The following BMPER variants were observed in gnomAD, a reference collection of about 807,000 sequenced individuals.
BMPER encodes BMP-binding endothelial regulator protein.
BMPER carries 45 observed loss-of-function variants against 87.3 expected under a neutral mutation model. That is an observed-to-expected ratio of 0.52 (90% CI 0.41 to 0.66). The LOEUF (loss-of-function observed/expected upper bound fraction) is 0.66, where lower values mean the gene tolerates loss of function less well. BMPER is among the 30% of genes least tolerant of loss of function. The pLI, the probability that BMPER is intolerant of heterozygous loss-of-function variation, is 0.00. For synonymous variants in BMPER, 326 were observed against 316.2 expected, an observed-to-expected ratio of 1.03 and a Z score of -0.33; for missense variants, 784 against 867.5, an observed-to-expected ratio of 0.90 and a Z score of 1.21.
At chr7:33,932,322 C>CT (rs1274041312) in intron 2 of BMPER, among the ~76,000 whole-genome samples, 1 of 152,214 alleles carries the variant, frequency 6.6e-6, no homozygotes, top group African/African-American at 2.4e-5. Flanking sequence ...ACTACCTGGC[C>CT]TGTGTGCTTC....
chr7:33,953,238 A>G lies in BMPER; in HGVS notation c.320-13241A>G, dbSNP rs191975747. Among the ~76,000 whole-genome samples, 880 of 152,378 alleles carry G rather than the reference A, an allele frequency of 5.8e-3. 6 individuals carry two copies. The highest frequency in any genetic ancestry group is 9.0e-3 in the Non-Finnish European group (610 of 68,034). On this transcript the variant is annotated intron_variant, in intron 3 of 14. Coordinates refer to ENST00000649409, the MANE Select transcript of BMPER (RefSeq NM_001365308.1). ...CTCCAGAGGCAAGGCCACACAGAGGAGCTGAAGGCAAAAGCCTGGCCTGGT... is the reference window on the plus strand; with the variant it reads ...CTCCAGAGGCAAGGCCACACAGAGGGGCTGAAGGCAAAAGCCTGGCCTGGT...
rs75884972 is a variant in BMPER, at chr7:33,995,323, C to T, written c.576+20539C>T. Reference sequence around the variant, plus strand: ...ATTTTGGAGGACATGAACTTCTTCACTCATGAGATGGATTTGTGGGTTCTG... The same window carrying T: ...ATTTTGGAGGACATGAACTTCTTCATTCATGAGATGGATTTGTGGGTTCTG... On this transcript the variant is annotated intron_variant, in intron 6 of 14. Coordinates refer to ENST00000649409, the MANE Select transcript of BMPER (RefSeq NM_001365308.1). 7.5e-3 allele frequency among the ~76,000 whole-genome samples: 1,139 copies of T among 152,136 alleles called. 18 individuals carry two copies. Among genetic ancestry groups the T allele is most frequent in the African/African-American group, 0.026 (1,091 of 41,490 alleles).
chr7:33,962,567 C>A (rs1785298448), intron 3 of BMPER, among the ~76,000 whole-genome samples: 1 of 152,120 alleles, frequency 6.6e-6, no homozygotes, highest in Non-Finnish European at 1.5e-5. Flanking sequence ...GCTGTGATAA[C>A]CCAAGATGTC....
intron 13 of BMPER, among the ~76,000 whole-genome samples, chr7:34,094,581 G>A (rs1275591738): frequency 1.3e-5 from 2 of 152,224 alleles, no homozygotes; most frequent in Admixed American, 6.5e-5. Flanking sequence ...GTACGAATGA[G>A]TGTGGTACAG....
intron 6 of BMPER, among the ~76,000 whole-genome samples, chr7:33,975,027 C>G (rs988476753): frequency 6.6e-6 from 1 of 152,176 alleles, no homozygotes; most frequent in African/African-American, 2.4e-5. Context: ...GCAAGGTCCC[C>G]TGGCTCCACC....
Position 34,085,939 on chromosome 7 carries a change from A to C in BMPER, c.1592A>C (p.Asn531Thr). The C allele has an allele frequency of 6.2e-7, 1 of 1,614,120 alleles. No homozygotes were observed. Among genetic ancestry groups the C allele is most frequent in the Non-Finnish European group, 8.5e-7 (1 of 1,180,012 alleles). The change falls in exon 13 of 15, where the codon AAT (asparagine) becomes ACT (threonine). Residue 531 changes from asparagine (N) to threonine (T), a missense_variant. Physicochemically the swap from Asn to Thr is moderately conservative, Grantham distance 65. Coordinates refer to ENST00000649409, the MANE Select transcript of BMPER (RefSeq NM_001365308.1). ...DFAESWRVES[N>T]EFCNRPQRKP... Reference sequence around the variant, plus strand: ...GCTGAATCTTGGAGGGTGGAGTCCAATGAGTTCTGCAACAGACCTCAGAGA... The same window carrying C: ...GCTGAATCTTGGAGGGTGGAGTCCACTGAGTTCTGCAACAGACCTCAGAGA...
At chr7:34,106,177 T>C (rs959887175) in intron 13 of BMPER, among the ~76,000 whole-genome samples, 1 of 152,224 alleles carries the variant, frequency 6.6e-6, no homozygotes, top group African/African-American at 2.4e-5. Flanking sequence ...CAATGTGCTC[T>C]TGTTGGGTTC....
intron 2 of BMPER, among the ~76,000 whole-genome samples, chr7:33,913,483 C>T (rs180671741): frequency 1.9e-4 from 29 of 151,980 alleles, no homozygotes; most frequent in Non-Finnish European, 4.4e-5. Flanking sequence ...CAGACTGCAG[C>T]GATGTTGTGT....
At chr7:33,916,914 T>C (rs1162268520) in intron 2 of BMPER, among the ~76,000 whole-genome samples, 1 of 152,168 alleles carries the variant, frequency 6.6e-6, no homozygotes, top group East Asian at 1.9e-4. Flanking sequence ...TCCCAGAAAG[T>C]TTATCACAGA....
chr7:34,046,530 A>G (rs1787974026), intron 7 of BMPER, 125 bp downstream of exon 7: 1 of 964,376 alleles, frequency 1.0e-6, no homozygotes. Context: ...GTTAGAGACA[A>G]CTCCCTCTTC....
chr7:33,962,533 G>T (rs760169209), intron 3 of BMPER, among the ~76,000 whole-genome samples: 1 of 152,126 alleles, frequency 6.6e-6, no homozygotes, highest in Non-Finnish European at 1.5e-5. Flanking sequence ...CCCATTAGAT[G>T]CCTATAGTGC....
At chr7:33,938,640 T>A (rs1416893964) in intron 3 of BMPER, among the ~76,000 whole-genome samples, 3 of 152,186 alleles carry the variant, frequency 2.0e-5, no homozygotes, top group Non-Finnish European at 4.4e-5. Flanking sequence ...AAATGTCTAT[T>A]GTCCTAAGCC....
intron 6 of BMPER, among the ~76,000 whole-genome samples, chr7:34,011,605 G>GAAAAAAAAAAAAAAAAAAAAAA (rs1282148601): frequency 1.1e-5 from 1 of 93,060 alleles, no homozygotes; most frequent in African/African-American, 4.2e-5. Flanking sequence ...AAAAAAAAAA[G>GAAAAAAAAAAAAAAAAAAAAAA]AAAAAAAAAG....
intron 6 of BMPER, among the ~76,000 whole-genome samples, chr7:34,008,743 T>G (rs1786801383): frequency 6.6e-6 from 1 of 152,044 alleles, no homozygotes; most frequent in South Asian, 2.1e-4. Context: ...AATGTTTCTC[T>G]ATCATGCACG....
At chr7:33,991,419 A>G (rs1786214051) in intron 6 of BMPER, among the ~76,000 whole-genome samples, 1 of 152,092 alleles carries the variant, frequency 6.6e-6, no homozygotes, top group South Asian at 2.1e-4. Flanking sequence ...TGTTTGTAGT[A>G]TTCTCTGATG....
intron 6 of BMPER, among the ~76,000 whole-genome samples, chr7:34,018,282 C>A (rs2127945003): frequency 6.6e-6 from 1 of 152,016 alleles, no homozygotes; most frequent in East Asian, 1.9e-4. Flanking sequence ...TCTCTCTTAG[C>A]AACCACATGG....
chr7:33,943,646 C>A (rs1784817422), intron 3 of BMPER, among the ~76,000 whole-genome samples: 1 of 152,164 alleles, frequency 6.6e-6, no homozygotes, highest in South Asian at 2.1e-4. Flanking sequence ...AAAGACAAGG[C>A]TATTTTCTTT....
At chr7:34,086,247 G>A (rs773986004) in intron 13 of BMPER, among the ~76,000 whole-genome samples, 155 bp downstream of exon 13, 3 of 152,190 alleles carry the variant, frequency 2.0e-5, no homozygotes, top group Non-Finnish European at 4.4e-5. Flanking sequence ...CTCATCTTGA[G>A]TCAGCCCCAT....
chr7:34,078,823 T>C, intron 11 of BMPER, 34 bp from the exon 12 acceptor site: 1 of 1,609,458 alleles, frequency 6.2e-7, no homozygotes, highest in Non-Finnish European at 8.5e-7. Flanking sequence ...TGGCTTGGTT[T>C]GTGACCCGGC....
Sources: gnomAD v4.1 joint callset for allele counts (sites outside exome capture counted in the v4.1 genomes callset) on GRCh38, gnomAD v4.1.1 for gene constraint, MANE v1.5 for transcripts, NCBI Gene and HGNC (gene_info 2026-07-23, HGNC 2026-07-21) for gene names.